The following PTPRM variants were observed in gnomAD, a reference collection of about 807,000 sequenced individuals.
The protein encoded by PTPRM is receptor-type tyrosine-protein phosphatase mu.
A neutral mutation model predicts 186.7 loss-of-function variants in PTPRM; 47 were observed. The ratio of observed to expected loss-of-function variants is 0.25; its 90% CI spans 0.20 to 0.32. The LOEUF (loss-of-function observed/expected upper bound fraction) is 0.32. PTPRM is among the 10% of genes least tolerant of loss of function. PTPRM has a pLI of 1.00. For synonymous variants in PTPRM, 668 were observed against 674.9 expected, an observed-to-expected ratio of 0.99 and a Z score of 0.16; for missense variants, 1,494 against 1,865.0, an observed-to-expected ratio of 0.80 and a Z score of 3.66.
At chr18:8,039,315 T>C (rs2086544722) in intron 7 of PTPRM, among the ~76,000 whole-genome samples, 1 of 152,140 alleles carries the variant, frequency 6.6e-6, no homozygotes, top group South Asian at 2.1e-4. Context: ...TGTTTTTTAA[T>C]AAAAATTAAA....
intron 7 of PTPRM, among the ~76,000 whole-genome samples, chr18:7,989,087 A>T (rs28615299): frequency 0.34 from 51,220 of 152,034 alleles, 9,533 homozygotes; most frequent in Non-Finnish European, 0.42. Flanking sequence ...CTTGTTGGTC[A>T]TAGGTAAGTT....
intron 22 of PTPRM, among the ~76,000 whole-genome samples, chr18:8,333,760 G>T (rs919159599): frequency 6.6e-6 from 1 of 152,188 alleles, no homozygotes; most frequent in Non-Finnish European, 1.5e-5. Context: ...CTGGCTGCCA[G>T]TGCCCAAAGG....
chr18:7,570,083 A>G (rs2036531095), intron 1 of PTPRM, among the ~76,000 whole-genome samples: 1 of 152,124 alleles, frequency 6.6e-6, no homozygotes, highest in Non-Finnish European at 1.5e-5. Context: ...CTATGATTGC[A>G]CCACTGCACC....
At chr18:7,900,863 A>G (rs1944984738) in intron 3 of PTPRM, among the ~76,000 whole-genome samples, 1 of 152,228 alleles carries the variant, frequency 6.6e-6, no homozygotes. Context: ...GAATTACTAA[A>G]TTATTCTTTT....
chr18:8,238,795 T>A (rs1405664705), intron 14 of PTPRM, among the ~76,000 whole-genome samples: 1 of 150,474 alleles, frequency 6.6e-6, no homozygotes, highest in Non-Finnish European at 1.5e-5. Context: ...TATGATTAGG[T>A]CTTAGTCTAT....
At position 8,069,670 on chromosome 18, in the gene PTPRM, C is replaced by G; in HGVS notation, c.1133-16C>G. 1.3e-6 allele frequency: 2 copies of G among 1,588,908 alleles called. No individual in the cohort carries two copies. Among genetic ancestry groups the G allele is most frequent in the South Asian group, 2.3e-5 (2 of 88,596 alleles). On this transcript the variant is annotated splice_polypyrimidine_tract_variant and intron_variant, in intron 7 of 32. Coordinates refer to ENST00000580170, the MANE Select transcript of PTPRM (RefSeq NM_001105244.2). ...TCTTCTCTCTCATGTTTTCTTTTGT[C>G]TTCTTTTCTAAATAGATCCCATGCG... is the stretch of plus-strand genomic sequence containing the variant.
chr18:8,246,915 C>G (rs2094482335), intron 15 of PTPRM, among the ~76,000 whole-genome samples: 1 of 152,138 alleles, frequency 6.6e-6, no homozygotes, highest in Non-Finnish European at 1.5e-5. Context: ...GGTCATGCTT[C>G]CCATAAATAT....
At chr18:7,639,913 A>G (rs1233509650) in intron 1 of PTPRM, among the ~76,000 whole-genome samples, 1 of 152,212 alleles carries the variant, frequency 6.6e-6, no homozygotes, top group Non-Finnish European at 1.5e-5. Flanking sequence ...CTTAACAAGT[A>G]GATTACTAAA....
At chr18:8,360,008 T>A (rs1367811372) in intron 23 of PTPRM, among the ~76,000 whole-genome samples, 1 of 152,220 alleles carries the variant, frequency 6.6e-6, no homozygotes, top group Non-Finnish European at 1.5e-5. Context: ...CTTAGAAGGC[T>A]TAGGGTTGTC....
intron 1 of PTPRM, among the ~76,000 whole-genome samples, chr18:7,718,492 G>T (rs1940344): frequency 2.6e-5 from 4 of 151,936 alleles, no homozygotes; most frequent in Non-Finnish European, 2.9e-5. Flanking sequence ...TCTTCTAGAC[G>T]TTGGCTTCAG....
At chr18:8,159,809 C>CT (rs2093194121) in intron 14 of PTPRM, among the ~76,000 whole-genome samples, 1 of 152,082 alleles carries the variant, frequency 6.6e-6, no homozygotes, top group Admixed American at 6.5e-5. Context: ...AAATACTCTT[C>CT]TTTCATGCAA....
chr18:7,936,447 C>T (rs1362717413), intron 5 of PTPRM, among the ~76,000 whole-genome samples: 1 of 152,216 alleles, frequency 6.6e-6, no homozygotes, highest in Non-Finnish European at 1.5e-5. Context: ...CAGGTGCTGT[C>T]GCAACCCAGC....
intron 2 of PTPRM, among the ~76,000 whole-genome samples, chr18:7,859,895 A>G (rs192714787): frequency 4.3e-4 from 66 of 152,046 alleles, no homozygotes; most frequent in African/African-American, 1.5e-3. Flanking sequence ...CTCCCTCACA[A>G]CCATTTACAT....
At chr18:7,899,133 C>T (rs896756987) in intron 3 of PTPRM, among the ~76,000 whole-genome samples, 2 of 152,160 alleles carry the variant, frequency 1.3e-5, no homozygotes, top group Non-Finnish European at 1.5e-5. Context: ...CTAGACAGCC[C>T]TGAAGCACTA....
chr18:8,250,874 T>C (rs569663792), intron 17 of PTPRM, among the ~76,000 whole-genome samples: 1 of 152,196 alleles, frequency 6.6e-6, no homozygotes, highest in East Asian at 1.9e-4. Context: ...ATATATTTTA[T>C]CAATAATAAT....
At chr18:7,908,631 T>C (rs1402424500) in intron 4 of PTPRM, among the ~76,000 whole-genome samples, 3 of 152,230 alleles carry the variant, frequency 2.0e-5, no homozygotes, top group Admixed American at 6.5e-5. Flanking sequence ...CAATCATTTG[T>C]TCATTACAAA....
chr18:7,960,151 T>G (rs143999388), intron 7 of PTPRM, among the ~76,000 whole-genome samples: 2,288 of 152,220 alleles, frequency 0.015, 52 homozygotes, highest in African/African-American at 0.053. Context: ...TAACTGTGGT[T>G]AAGTGACTTG....
At chr18:7,730,548 G>A (rs980669235) in intron 1 of PTPRM, among the ~76,000 whole-genome samples, 67 of 152,140 alleles carry the variant, frequency 4.4e-4, no homozygotes, top group Non-Finnish European at 9.3e-4. Flanking sequence ...ATTATTCTTG[G>A]ATTATCCACA....
At chr18:7,975,175 A>C (rs952898930) in intron 7 of PTPRM, among the ~76,000 whole-genome samples, 2 of 152,196 alleles carry the variant, frequency 1.3e-5, no homozygotes, top group Non-Finnish European at 2.9e-5. Flanking sequence ...AAAATATAAA[A>C]ATAGGTGCAG....
Sources: gnomAD v4.1 joint callset for allele counts (sites outside exome capture counted in the v4.1 genomes callset) on GRCh38, gnomAD v4.1.1 for gene constraint, MANE v1.5 for transcripts, NCBI Gene and HGNC (gene_info 2026-07-23, HGNC 2026-07-21) for gene names.